Variants in ANKRD11 observed in about 807,000 individuals in gnomAD.
ANKRD11 encodes the protein ankyrin repeat domain 11.
A neutral mutation model predicts 195.7 loss-of-function variants in ANKRD11; 17 were observed. The ratio of observed to expected loss-of-function variants is 0.09; its 90% CI spans 0.06 to 0.13. The LOEUF is 0.13. ANKRD11 is among the 10% of genes least tolerant of loss of function. The probability of loss-of-function intolerance (pLI) is 1.00; values close to 1 mark genes in which losing one functional copy is unlikely to be tolerated. For missense variants in ANKRD11, 3,735 were observed against 3,566.1 expected (o/e 1.05, Z -1.21); for synonymous variants, 1,953 against 1,528.1 (o/e 1.28, Z -6.49).
intron 2 of ANKRD11, among the ~76,000 whole-genome samples, chr16:89,327,637 T>C (rs2037804891): frequency 6.6e-6 from 1 of 152,102 alleles, no homozygotes; most frequent in Admixed American, 6.5e-5. Flanking sequence ...AATAATCCTA[T>C]GAAAACAAGA....
chr16:89,419,792 T>C (rs573322989), intron 1 of ANKRD11, among the ~76,000 whole-genome samples: 1 of 150,752 alleles, frequency 6.6e-6, no homozygotes, highest in African/African-American at 2.5e-5. Context: ...TTTTCCTCCT[T>C]ACACTCCTGG....
chr16:89,332,655 C>A (rs866526049), intron 2 of ANKRD11, among the ~76,000 whole-genome samples: 1 of 152,188 alleles, frequency 6.6e-6, no homozygotes, highest in Admixed American at 6.5e-5. Context: ...AAAAAGCAAA[C>A]GACAAACACA....
intron 7 of ANKRD11, chr16:89,286,841 G>C (rs2034681195): frequency 7.8e-7 from 1 of 1,287,400 alleles, no homozygotes; most frequent in Non-Finnish European, 1.0e-6. Context: ...GCAATGCACT[G>C]AACTCAAGTA....
At chr16:89,418,980 C>T (rs1039889567) in intron 1 of ANKRD11, among the ~76,000 whole-genome samples, 5 of 152,050 alleles carry the variant, frequency 3.3e-5, no homozygotes, top group African/African-American at 1.2e-4. Flanking sequence ...CCTCGGCCTT[C>T]CAAAGTGTTA....
chr16:89,287,727 C>CT (rs758760352), intron 7 of ANKRD11: 21 of 167,144 alleles, frequency 1.3e-4, no homozygotes, highest in Non-Finnish European at 2.4e-4. Context: ...CTGCTCGTCT[C>CT]AGAGTCTTCA....
At chr16:89,384,114 G>C (rs2040786737) in intron 2 of ANKRD11, among the ~76,000 whole-genome samples, 1 of 152,196 alleles carries the variant, frequency 6.6e-6, no homozygotes, top group African/African-American at 2.4e-5. Context: ...CAGCTACTCA[G>C]GAGGCCGAGG....
In ANKRD11 at chr16:89,280,234, A is replaced by G. The variant is rs1486685507; in HGVS notation, c.6308T>C (p.Leu2103Pro). The G allele has an allele frequency of 6.2e-7, 1 of 1,608,326 alleles. No homozygotes were observed. The highest frequency in any genetic ancestry group is 2.2e-5 in the East Asian group (1 of 44,870). ...EALGPLENSF[L>P]DGSRGLSHLG... ...GTGAGACAGGCCGCGGCTGCCGTCCAGGAAGCTATTTTCCAGGGGCCCCAG... is the reference window on the plus strand; with the variant it reads ...GTGAGACAGGCCGCGGCTGCCGTCCGGGAAGCTATTTTCCAGGGGCCCCAG... Residue 2103 changes from leucine (L) to proline (P), a missense_variant, in exon 9 of 13, where the codon CTG (leucine) becomes CCG (proline). Transcript: ENST00000301030.
chr16:89,305,861 G>A (rs111747836), intron 3 of ANKRD11, among the ~76,000 whole-genome samples: 1 of 59,132 alleles, frequency 1.7e-5, no homozygotes, highest in Non-Finnish European at 3.3e-5. Flanking sequence ...CTCCCACTCC[G>A]CAGACACGCA....
chr16:89,354,943 A>C (rs183575382), intron 2 of ANKRD11, among the ~76,000 whole-genome samples: 1 of 152,296 alleles, frequency 6.6e-6, no homozygotes, highest in East Asian at 1.9e-4. Flanking sequence ...TTTGGCAAAG[A>C]AAATGCCCCC....
At chr16:89,289,269 CT>C (rs779787383) in intron 6 of ANKRD11, among the ~76,000 whole-genome samples, 26 of 151,510 alleles carry the variant, frequency 1.7e-4, no homozygotes, top group East Asian at 1.4e-3. Flanking sequence ...AGAGAAGTTT[CT>C]TTTAGAAAAA....
chr16:89,411,361 A>G (rs2042105006), intron 2 of ANKRD11, among the ~76,000 whole-genome samples: 1 of 152,250 alleles, frequency 6.6e-6, no homozygotes, highest in South Asian at 2.1e-4. Context: ...GAAGAGGAGC[A>G]GGCTGCCCTG....
Position 89,281,883 on chromosome 16 carries a change from A to T in ANKRD11, c.4659T>A (p.Asp1553Glu). 1 of 1,613,740 alleles carries T rather than the reference A, an allele frequency of 6.2e-7. No homozygotes were observed. Residue 1553 changes from aspartate to glutamate, a missense_variant, in exon 9 of 13, where the codon GAT (aspartate) becomes GAA (glutamate). Transcript: ENST00000301030. This position sits in a 1 kb window ranked among gnomAD's most constrained non-coding sequence, Gnocchi z 5.5. Reference protein sequence around the residue: ...GDPVKMSNGNDKVAPSKDPGK... With the variant: ...GDPVKMSNGNEKVAPSKDPGK... ...CTGGGTCTTTGGATGGCGCTACCTT[A>T]TCATTCCCGTTGCTCATCTTCACTG...
At chr16:89,487,008 CAA>C (rs11384395) in intron 1 of ANKRD11, among the ~76,000 whole-genome samples, 10 of 126,522 alleles carry the variant, frequency 7.9e-5, no homozygotes, top group Admixed American at 8.0e-5. Context: ...GACTCCGTCT[CAA>C]AAAAAAAAAA....
At chr16:89,275,384 G>A (rs546902253) in intron 9 of ANKRD11, among the ~76,000 whole-genome samples, 193 bp from the exon 10 acceptor site, 5 of 152,372 alleles carry the variant, frequency 3.3e-5, no homozygotes, top group East Asian at 1.9e-4. Flanking sequence ...GCGGGAGAGC[G>A]GACACCTCCA....
chr16:89,273,491 A>T (rs1408908105), intron 11 of ANKRD11, among the ~76,000 whole-genome samples: 5 of 152,018 alleles, frequency 3.3e-5, no homozygotes, highest in Non-Finnish European at 2.9e-5. Context: ...CATAAGGTCA[A>T]GAGATCGAGA....
chr16:89,384,896 TTTTTTTTTTTTG>T (rs1474392217), intron 2 of ANKRD11, among the ~76,000 whole-genome samples: 1 of 129,308 alleles, frequency 7.7e-6, no homozygotes, highest in African/African-American at 2.9e-5. Context: ...TTTTTTTTTT[TTTTTTTTTTTTG>T]AGACTACGTT....
chr16:89,279,809 G>C lies in ANKRD11; in HGVS notation c.6733C>G (p.Pro2245Ala), dbSNP rs756897044. Residue 2245 changes from proline (P) to alanine (A), a missense_variant, in exon 9 of 13, where the codon CCC (proline) becomes GCC (alanine). Pro to Ala is a conservative substitution (Grantham distance 27). Transcript: ENST00000301030. The surrounding 1 kb of genome is among the most constrained non-coding windows in gnomAD (Gnocchi z 5.6). The part of the protein sequence containing the change: ...PDSSVEPAPV[P>A]PEQRPLGSGD... ...CTCCCCAGTGGGCGCTGTTCTGGGG[G>C]AACGGGCGCGGGCTCCACGCTGGAG... 3 of 1,541,702 alleles carry C rather than the reference G, an allele frequency of 1.9e-6. No homozygotes were observed. Among genetic ancestry groups the C allele is most frequent in the African/African-American group, 2.7e-5 (2 of 73,168 alleles).
At position 89,490,555 on chromosome 16, in the gene ANKRD11, G is replaced by C. The variant is rs2057795743; in HGVS notation, c.-455C>G. 2.4e-6 allele frequency: 1 copy of C among 423,560 alleles called. No homozygotes were observed. The highest frequency in any genetic ancestry group is 6.2e-4 in the Middle Eastern group (1 of 1,608). The allele number at this position is 423,560 out of a possible 1,614,324, so 26.2% of individuals were successfully genotyped here. Reference sequence around the variant, plus strand: ...GGTCCATCGCGCACCGTCTCAGGGCGGCCTCTGGCTCCAGGACCCAGCGGC... The same window carrying C: ...GGTCCATCGCGCACCGTCTCAGGGCCGCCTCTGGCTCCAGGACCCAGCGGC... On this transcript the variant is annotated 5_prime_UTR_variant, in exon 1 of 13. Coordinates refer to ENST00000301030, the MANE Select transcript of ANKRD11 (RefSeq NM_013275.6).
At chr16:89,378,003 C>A (rs772174552) in intron 2 of ANKRD11, among the ~76,000 whole-genome samples, 27 of 152,026 alleles carry the variant, frequency 1.8e-4, no homozygotes, top group Non-Finnish European at 3.5e-4. Context: ...CTTAACAACA[C>A]CTTCTTTTCT....
Sources: gnomAD v4.1 joint callset for allele counts (sites outside exome capture counted in the v4.1 genomes callset) on GRCh38, gnomAD v4.1.1 for gene constraint, Gnocchi (gnomAD v3.1) non-coding constraint, MANE v1.5 for transcripts, NCBI Gene and HGNC (gene_info 2026-07-23, HGNC 2026-07-21) for gene names.